The following GMPR variants were observed in gnomAD, a reference collection of about 807,000 sequenced individuals.
GMPR encodes guanosine monophosphate reductase, also known as GMP reductase 1.
In GMPR, 31 loss-of-function variants were observed where a neutral mutation model predicts 38.4. That is an observed-to-expected ratio of 0.81 (90% CI 0.61 to 1.09). GMPR has a LOEUF of 1.09. Ranked by LOEUF, GMPR falls within the 50% of genes least tolerant of loss-of-function variation. The pLI is 0.00. For missense variants in GMPR, 468 were observed against 453.7 expected, an observed-to-expected ratio of 1.03 and a Z score of -0.29; for synonymous variants, 162 against 173.3, an observed-to-expected ratio of 0.93 and a Z score of 0.51.
At chr6:16,247,005 G>T in intron 2 of GMPR, 44 bp downstream of exon 2, 1 of 1,595,962 alleles carries the variant, frequency 6.3e-7, no homozygotes, top group Non-Finnish European at 8.6e-7. Flanking sequence ...TGCTCACACT[G>T]TGGACAGGTT....
At chr6:16,281,430 G>C (rs1457516989) in intron 6 of GMPR, among the ~76,000 whole-genome samples, 1 of 152,182 alleles carries the variant, frequency 6.6e-6, no homozygotes, top group Non-Finnish European at 1.5e-5. Context: ...GGTGCAATAG[G>C]AAGGTAGCAC....
intron 5 of GMPR, among the ~76,000 whole-genome samples, chr6:16,276,678 T>C (rs1162489702): frequency 6.6e-6 from 1 of 152,218 alleles, no homozygotes; most frequent in Non-Finnish European, 1.5e-5. Flanking sequence ...GGGAGCTACT[T>C]CTTTAAATTG....
At chr6:16,260,567 A>G (rs1485330087) in intron 4 of GMPR, among the ~76,000 whole-genome samples, 2 of 152,032 alleles carry the variant, frequency 1.3e-5, no homozygotes, top group African/African-American at 4.8e-5. Context: ...AGGGGCCTGA[A>G]TAATCCTTGA....
At chr6:16,265,369 G>C (rs1759173064) in intron 4 of GMPR, among the ~76,000 whole-genome samples, 1 of 152,204 alleles carries the variant, frequency 6.6e-6, no homozygotes, top group African/African-American at 2.4e-5. Flanking sequence ...CCACTAGTGA[G>C]AGCTGGACCT....
At chr6:16,290,705 A>G (rs529978798) in intron 8 of GMPR, 84 bp downstream of exon 8, 6 of 1,150,706 alleles carry the variant, frequency 5.2e-6, no homozygotes, top group Non-Finnish European at 7.7e-6. Context: ...TCTGAATAGC[A>G]GCTCTGTGTA....
Position 16,290,322 on chromosome 6 carries a change from C to T in GMPR, c.698-140C>T, listed in dbSNP as rs566201675. On this transcript the variant is annotated intron_variant, in intron 7 of 8. Coordinates refer to ENST00000259727, the MANE Select transcript of GMPR (RefSeq NM_006877.4). Reference sequence around the variant, plus strand: ...CTCCCTTTTTCCAGGAGGAGACAGGCGAGAGAGGTCCAGCCTTTCTCTTGA... The same window carrying T: ...CTCCCTTTTTCCAGGAGGAGACAGGTGAGAGAGGTCCAGCCTTTCTCTTGA... 5.8e-5 allele frequency: 43 copies of T among 746,260 alleles called. No individual in the cohort carries two copies. The East Asian group carries it at 7.9e-4, about 14-fold the overall frequency. 46.2% of individuals were successfully genotyped at this position (746,260 alleles called of 1,614,324 possible).
At chr6:16,264,892 C>T (rs1339724374) in intron 4 of GMPR, among the ~76,000 whole-genome samples, 1 of 152,194 alleles carries the variant, frequency 6.6e-6, no homozygotes, top group African/African-American at 2.4e-5. Context: ...AGAGGCCTGA[C>T]ACCTTTCACC....
intron 7 of GMPR, among the ~76,000 whole-genome samples, chr6:16,287,552 C>T (rs747904945): frequency 2.5e-4 from 38 of 152,110 alleles, no homozygotes; most frequent in Non-Finnish European, 4.4e-4. Flanking sequence ...AAGGGTGTCC[C>T]GAAATGAAAA....
chr6:16,248,098 G>A (rs1453284919), intron 2 of GMPR, among the ~76,000 whole-genome samples: 1 of 151,686 alleles, frequency 6.6e-6, no homozygotes, highest in African/African-American at 2.4e-5. Context: ...AGGTGTGGTG[G>A]TGTGAGCCTG....
chr6:16,263,507 A>G (rs1204307819), intron 4 of GMPR, among the ~76,000 whole-genome samples: 1 of 151,790 alleles, frequency 6.6e-6, no homozygotes, highest in Non-Finnish European at 1.5e-5. Context: ...AAAAGAGAGT[A>G]GAGACACGGA....
chr6:16,246,803 A>T, intron 1 of GMPR, 39 bp from the exon 2 acceptor site: 9 of 1,547,206 alleles, frequency 5.8e-6, no homozygotes, highest in South Asian at 2.3e-5. Flanking sequence ...CAAAGCACTC[A>T]TTTCTTTCCC....
At position 16,239,719 on chromosome 6, in the gene GMPR, C is replaced by T. The variant is rs76905409; in HGVS notation, c.87+939C>T. Among the ~76,000 whole-genome samples, 778 of 152,342 alleles carry T rather than the reference C, an allele frequency of 5.1e-3. 6 individuals are homozygous for T. The highest frequency in any genetic ancestry group is 0.018 in the African/African-American group (748 of 41,576). The stretch of plus-strand genomic sequence containing the variant: ...CCACAAACAAGACCATAAATAAATC[C>T]CCTCAGCAAAGAAGTCCGCTGCCCA... On this transcript the variant is annotated intron_variant, in intron 1 of 8. Coordinates refer to ENST00000259727, the MANE Select transcript of GMPR (RefSeq NM_006877.4).
At chr6:16,246,656 G>A (rs542010463) in intron 1 of GMPR, among the ~76,000 whole-genome samples, 186 bp from the exon 2 acceptor site, 9 of 152,292 alleles carry the variant, frequency 5.9e-5, no homozygotes, top group East Asian at 1.9e-4. Flanking sequence ...TTCCGATTCC[G>A]AGGCTTGTCT....
intron 7 of GMPR, among the ~76,000 whole-genome samples, chr6:16,286,547 G>GA (rs537479073): frequency 0.061 from 8,716 of 143,426 alleles, 646 homozygotes; most frequent in African/African-American, 0.18. Context: ...GCTGATGCCA[G>GA]AAAAAAAAAA....
intron 8 of GMPR, among the ~76,000 whole-genome samples, chr6:16,292,104 C>T (rs1034763010): frequency 5.3e-5 from 8 of 152,178 alleles, no homozygotes; most frequent in Non-Finnish European, 1.2e-4. Flanking sequence ...GTTCAGGCTT[C>T]TCCCTCCAAT....
intron 1 of GMPR, among the ~76,000 whole-genome samples, chr6:16,242,895 C>T (rs553584098): frequency 6.6e-6 from 1 of 152,272 alleles, no homozygotes; most frequent in African/African-American, 2.4e-5. Context: ...GCCTTGGCCT[C>T]TTAAAGTGCT....
Position 16,289,336 on chromosome 6 carries a change from A to G in GMPR, c.698-1126A>G, listed in dbSNP as rs145973193. ...CGAACACAGTAGCAGTTCCTTAGTT[A>G]ATAGGCAATGAAGAATCCCACTGCA... On this transcript the variant is annotated intron_variant, in intron 7 of 8. Coordinates refer to ENST00000259727, the MANE Select transcript of GMPR (RefSeq NM_006877.4). Among the ~76,000 whole-genome samples the G allele has an allele frequency of 3.9e-5, 6 of 152,360 alleles. No homozygotes were observed. In the East Asian group the frequency reaches 1.2e-3, roughly 29 times the overall value.
At chr6:16,289,774 C>G (rs1050138769) in intron 7 of GMPR, among the ~76,000 whole-genome samples, 1 of 149,790 alleles carries the variant, frequency 6.7e-6, no homozygotes, top group African/African-American at 2.5e-5. Flanking sequence ...AGACCAGACA[C>G]CTGAGGGGGT....
At chr6:16,258,469 C>T (rs1348603231) in intron 4 of GMPR, among the ~76,000 whole-genome samples, 1 of 152,186 alleles carries the variant, frequency 6.6e-6, no homozygotes, top group Non-Finnish European at 1.5e-5. Context: ...CAGTGCAGAA[C>T]TTAGGAGTTG....
Sources: gnomAD v4.1 joint callset for allele counts (sites outside exome capture counted in the v4.1 genomes callset) on GRCh38, gnomAD v4.1.1 for gene constraint, MANE v1.5 for transcripts, NCBI Gene and HGNC (gene_info 2026-07-23, HGNC 2026-07-21) for gene names.